Variants in AASS observed in about 807,000 individuals in gnomAD.
AASS encodes aminoadipate-semialdehyde synthase, also known as alpha-aminoadipic semialdehyde synthase, mitochondrial.
Under a neutral mutation model 105.4 loss-of-function variants are expected in AASS, and 86 were observed. The observed-to-expected ratio is 0.82, with a 90% confidence interval of 0.69 to 0.98. The LOEUF is 0.98. Among genes scored for constraint, AASS ranks in the 50% least tolerant of loss-of-function variants. The probability of loss-of-function intolerance (pLI) is 0.00; values close to 1 mark genes in which losing one functional copy is unlikely to be tolerated. For missense variants in AASS, 1,048 were observed against 1,143.2 expected (o/e 0.92, Z 1.20); for synonymous variants, 381 against 394.8 (o/e 0.96, Z 0.41).
chr7:122,119,830 T>G (rs1795358478), intron 4 of AASS, among the ~76,000 whole-genome samples: 1 of 152,162 alleles, frequency 6.6e-6, no homozygotes, highest in Non-Finnish European at 1.5e-5. Context: ...CAGTCGTCTC[T>G]CAGTATATGC....
At chr7:122,082,544 G>A (rs1793397467) in intron 19 of AASS, among the ~76,000 whole-genome samples, 1 of 152,174 alleles carries the variant, frequency 6.6e-6, no homozygotes, top group South Asian at 2.1e-4. Context: ...TTCAGCTGCT[G>A]TACTGAAGGT....
At chr7:122,123,830 C>T (rs943833456) in intron 4 of AASS, among the ~76,000 whole-genome samples, 4 of 152,192 alleles carry the variant, frequency 2.6e-5, no homozygotes, top group African/African-American at 7.2e-5. Context: ...TCCATTATAG[C>T]AACTTAGTAT....
At chr7:122,133,215 T>G (rs1226487821) in intron 2 of AASS, among the ~76,000 whole-genome samples, 1 of 152,100 alleles carries the variant, frequency 6.6e-6, no homozygotes. Context: ...CAGGCTTCTC[T>G]CAGAGTGGCA....
chr7:122,143,924 G>A lies in AASS; in HGVS notation c.-16+237C>T, dbSNP rs577509879. 3.3e-4 allele frequency among the ~76,000 whole-genome samples: 50 copies of A among 152,336 alleles called. 1 individual carries two copies. The highest frequency in any genetic ancestry group is 1.2e-3 in the African/African-American group (48 of 41,588). ...CCGCTCTCCCTCCCTTCCTCGCAGT[G>A]AAACTCTCTGCGTTTCCGCTCTCCC... On this transcript the variant is annotated intron_variant, in intron 1 of 23. Transcript: ENST00000417368.
rs547870438 is a variant in AASS, at chr7:122,137,990, A to G, written c.-15-4249T>C. The stretch of plus-strand genomic sequence containing the variant: ...GGAAAAAAAGAGCTAGAAAGAACAA[A>G]GAGGAGGAAAATAGAGAAAGAGAAG... On this transcript the variant is annotated intron_variant, in intron 1 of 23. Coordinates refer to ENST00000417368, the MANE Select transcript of AASS (RefSeq NM_005763.4). 3.9e-5 allele frequency among the ~76,000 whole-genome samples: 6 copies of G among 152,274 alleles called. No homozygotes were observed. In the East Asian group the frequency reaches 1.2e-3, roughly 29 times the overall value.
chr7:122,112,973 T>C lies in AASS; in HGVS notation c.1278+145A>G, dbSNP rs910012898. On this transcript the variant is annotated intron_variant, in intron 11 of 23. Coordinates refer to ENST00000417368, the MANE Select transcript of AASS (RefSeq NM_005763.4). Reference sequence around the variant, plus strand: ...AGTAAGCAGAATATGTCAAATAAAATAGTATCAGTAAGTATTTCAGGGAAG... The same window carrying C: ...AGTAAGCAGAATATGTCAAATAAAACAGTATCAGTAAGTATTTCAGGGAAG... 80 of 715,034 alleles carry C rather than the reference T, an allele frequency of 1.1e-4. 1 individual carries two copies. The highest frequency in any genetic ancestry group is 1.9e-4 in the Non-Finnish European group (75 of 402,922). The allele number at this position is 715,034 out of a possible 1,614,324, so 44.3% of individuals were successfully genotyped here. A position where few individuals can be genotyped will look rare whatever the true frequency, so the allele number is the denominator to read the frequency against.
chr7:122,082,958 T>C (rs1298290755), intron 19 of AASS: 3 of 1,005,078 alleles, frequency 3.0e-6, no homozygotes, highest in Non-Finnish European at 4.1e-6. Flanking sequence ...AAGACCATAA[T>C]GGTTTATTCC....
intron 15 of AASS, among the ~76,000 whole-genome samples, chr7:122,094,293 A>C (rs768969380): frequency 4.7e-4 from 72 of 152,290 alleles, no homozygotes; most frequent in Admixed American, 1.1e-3. Flanking sequence ...AGACGTGATC[A>C]ATGACTCCCT....
chr7:122,084,087 T>G (rs1251887448), intron 19 of AASS, among the ~76,000 whole-genome samples: 1 of 151,932 alleles, frequency 6.6e-6, no homozygotes, highest in Non-Finnish European at 1.5e-5. Context: ...ATATCCTAAC[T>G]GCTGGCCAAA....
At chr7:122,082,777 G>A (rs889794100) in intron 19 of AASS, 2 of 1,260,704 alleles carry the variant, frequency 1.6e-6, no homozygotes, top group African/African-American at 3.1e-5. Context: ...CACAAAAGAA[G>A]GGGAACTCAC....
Position 122,126,284 on chromosome 7 carries a change from C to T in AASS, c.472+91G>A, listed in dbSNP as rs768877588. On this transcript the variant is annotated intron_variant, in intron 4 of 23. Coordinates refer to ENST00000417368, the MANE Select transcript of AASS (RefSeq NM_005763.4). ...TTAATTTTTTCCATGGAAATAAACA[C>T]TCCTATCCCCTTGCCGCAGAAAAGA... 4.4e-4 allele frequency: 480 copies of T among 1,103,166 alleles called. 2 individuals are homozygous for T. In the Middle Eastern group the frequency reaches 7.7e-3, roughly 18 times the overall value. The allele number at this position is 1,103,166 out of a possible 1,614,324, so 68.3% of individuals were successfully genotyped here. A position where few individuals can be genotyped will look rare whatever the true frequency, so the allele number is the denominator to read the frequency against.
At chr7:122,131,676 G>C (rs1468726187) in intron 2 of AASS, among the ~76,000 whole-genome samples, 1 of 151,926 alleles carries the variant, frequency 6.6e-6, no homozygotes, top group Non-Finnish European at 1.5e-5. Flanking sequence ...TACACTAATA[G>C]AGCCTAAGAG....
intron 9 of AASS, among the ~76,000 whole-genome samples, chr7:122,114,599 C>T (rs932664462): frequency 1.3e-5 from 2 of 151,958 alleles, no homozygotes; most frequent in Admixed American, 6.6e-5. Flanking sequence ...ATCATAAACA[C>T]GAGAAAATAA....
At chr7:122,106,980 T>C (rs1794698371) in intron 11 of AASS, among the ~76,000 whole-genome samples, 1 of 152,090 alleles carries the variant, frequency 6.6e-6, no homozygotes, top group South Asian at 2.1e-4. Context: ...AGAAAATATT[T>C]GCAAACTATG....
chr7:122,119,320 T>C (rs1194633198), intron 4 of AASS, among the ~76,000 whole-genome samples: 1 of 152,098 alleles, frequency 6.6e-6, no homozygotes, highest in Non-Finnish European at 1.5e-5. Flanking sequence ...GTCCCTTAGG[T>C]AATCTCATCT....
intron 22 of AASS, 137 bp from the exon 23 acceptor site, chr7:122,078,151 T>A: frequency 1.2e-6 from 1 of 829,784 alleles, no homozygotes; most frequent in Non-Finnish European, 2.0e-6. Flanking sequence ...TTTACACAGC[T>A]TTTTAGCCCA....
rs1255042335 is a variant in AASS at position 122,078,922 on chromosome 7, G to C, written c.2425C>G (p.Pro809Ala). Residue 809 changes from proline (P) to alanine (A), a missense_variant, in exon 22 of 24, where the codon CCT becomes GCT. Coordinates refer to ENST00000417368, the MANE Select transcript of AASS (RefSeq NM_005763.4). Reference sequence around the variant, plus strand: ...GCATCCAGAATGGACTCTGCCTGAGGAACTTGTTCATCCCCAAGTAAGCCC... The same window carrying C: ...GCATCCAGAATGGACTCTGCCTGAGCAACTTGTTCATCCCCAAGTAAGCCC... Reference protein sequence around the residue: ...WLGLLGDEQVPQAESILDALS... With the variant: ...WLGLLGDEQVAQAESILDALS... 2 of 1,614,114 alleles carry C rather than the reference G, an allele frequency of 1.2e-6. No individual in the cohort carries two copies. The highest frequency in any genetic ancestry group is 1.7e-6 in the Non-Finnish European group (2 of 1,180,022).
chr7:122,082,095 A>G (rs1793361419), intron 19 of AASS, among the ~76,000 whole-genome samples: 1 of 152,216 alleles, frequency 6.6e-6, no homozygotes, highest in African/African-American at 2.4e-5. Flanking sequence ...TCTACTAATT[A>G]GAGCCACCAC....
intron 1 of AASS, among the ~76,000 whole-genome samples, chr7:122,134,367 A>C (rs1209650049): frequency 6.6e-6 from 1 of 152,144 alleles, no homozygotes; most frequent in East Asian, 1.9e-4. Flanking sequence ...TCACATGATC[A>C]TATTTATTTA....
Sources: gnomAD v4.1 joint callset for allele counts (sites outside exome capture counted in the v4.1 genomes callset) on GRCh38, gnomAD v4.1.1 for gene constraint, MANE v1.5 for transcripts, NCBI Gene and HGNC (gene_info 2026-07-23, HGNC 2026-07-21) for gene names.